AGL: variants seen among roughly 807,000 people sequenced by gnomAD.
The protein encoded by AGL is amylo-alpha-1,6-glucosidase and 4-alpha-glucanotransferase.
Under a neutral mutation model 199.3 loss-of-function variants are expected in AGL, and 128 were observed. The observed-to-expected ratio is 0.64, with a 90% CI of 0.56 to 0.74. AGL has a LOEUF of 0.74. Among genes scored for constraint, AGL ranks in the 30% least tolerant of loss-of-function variants. AGL has a pLI of 0.00. For synonymous variants in AGL, 584 were observed against 594.7 expected, an observed-to-expected ratio of 0.98 and a Z score of 0.26; for missense variants, 1,809 against 1,820.8, an observed-to-expected ratio of 0.99 and a Z score of 0.12.
At chr1:99,867,473 T>G (rs1262222026) in intron 5 of AGL, among the ~76,000 whole-genome samples, 1 of 152,136 alleles carries the variant, frequency 6.6e-6, no homozygotes. Flanking sequence ...GGTTATAGTT[T>G]CATGCTAAGA....
In AGL at chr1:99,881,340, G is replaced by A. The variant is rs1379869546; in HGVS notation, c.2050G>A (p.Ala684Thr). The A allele has an allele frequency of 6.2e-7, 1 of 1,614,126 alleles. No homozygotes were observed. Among genetic ancestry groups the A allele is most frequent in the Non-Finnish European group, 8.5e-7 (1 of 1,180,006 alleles). Residue 684 changes from alanine to threonine, a missense_variant, in exon 16 of 34, where the codon GCA (alanine) becomes ACA (threonine). Physicochemically the swap from Ala to Thr is moderately conservative, Grantham distance 58. Coordinates refer to ENST00000361915, the MANE Select transcript of AGL (RefSeq NM_000642.3). The part of the protein sequence containing the change: ...ERFYTKWNPE[A>T]LPSNTGEVNF... ...GTTTTACACTAAGTGGAATCCTGAAGCATTGCCTTCAAACACAGGTGAAGT... is the reference window on the plus strand; with the variant it reads ...GTTTTACACTAAGTGGAATCCTGAAACATTGCCTTCAAACACAGGTGAAGT...
chr1:99,915,365 AT>A, intron 30 of AGL, 23 bp from the exon 31 acceptor site: 1 of 1,565,922 alleles, frequency 6.4e-7, no homozygotes, highest in Non-Finnish European at 8.8e-7. Context: ...AAAAATTTGT[AT>A]ATTTGTTTTT....
At chr1:99,879,762 T>A (rs141252357) in intron 12 of AGL, among the ~76,000 whole-genome samples, 161 bp from the exon 13 acceptor site, 10 of 152,326 alleles carry the variant, frequency 6.6e-5, no homozygotes, top group African/African-American at 2.2e-4. Context: ...TTTCTTCTCT[T>A]GATAAATTCT....
At chr1:99,856,890 C>T (rs183669369) in intron 2 of AGL, among the ~76,000 whole-genome samples, 2,237 of 152,354 alleles carry the variant, frequency 0.015, 59 homozygotes, top group African/African-American at 0.051. Flanking sequence ...TTCCCCACCT[C>T]TCCCCCTTTT....
chr1:99,920,050 A>G (rs1206367404), intron 33 of AGL, among the ~76,000 whole-genome samples: 2 of 152,222 alleles, frequency 1.3e-5, no homozygotes, highest in African/African-American at 2.4e-5. Context: ...TTATATTTGT[A>G]TGGATACATT....
At chr1:99,890,307 C>T (rs1236968471) in intron 21 of AGL, among the ~76,000 whole-genome samples, 1 of 152,132 alleles carries the variant, frequency 6.6e-6, no homozygotes, top group African/African-American at 2.4e-5. Flanking sequence ...GTGAGACCAA[C>T]ATTTACCGAG....
intron 30 of AGL, among the ~76,000 whole-genome samples, 161 bp downstream of exon 30, chr1:99,913,899 G>A (rs985697955): frequency 3.9e-5 from 6 of 152,098 alleles, no homozygotes; most frequent in African/African-American, 9.7e-5. Flanking sequence ...AGTATTATGC[G>A]TATCACTTTT....
At chr1:99,850,527 C>T (rs994349735) in intron 1 of AGL, 112 bp downstream of exon 1, 1 of 169,378 alleles carries the variant, frequency 5.9e-6, no homozygotes, top group African/African-American at 2.4e-5. Context: ...CAACTGCTTC[C>T]CTCTGTTCTC....
At chr1:99,916,919 ATTTAT>A (rs923663227) in intron 33 of AGL, among the ~76,000 whole-genome samples, 188 bp downstream of exon 33, 18 of 152,016 alleles carry the variant, frequency 1.2e-4, no homozygotes, top group Admixed American at 1.0e-3. Context: ...TTGGGTTGTT[ATTTAT>A]TTTAAGTTGA....
At chr1:99,903,482 T>C (rs1311516168) in intron 27 of AGL, among the ~76,000 whole-genome samples, 1 of 152,238 alleles carries the variant, frequency 6.6e-6, no homozygotes. Flanking sequence ...TTTTTATGGC[T>C]GCATAGTATT....
At position 99,873,416 on chromosome 1, in the gene AGL, C is replaced by A. The variant is rs528651682; in HGVS notation, c.959-1271C>A. Among the ~76,000 whole-genome samples the A allele has an allele frequency of 3.1e-4, 47 of 150,316 alleles. 2 individuals carry two copies. In the South Asian group the frequency reaches 9.7e-3, roughly 31 times the overall value. ...GGCATAGCTTTTTCTCTTTTTCAAA[C>A]ATTTCTTGGCAGTGTTCTTTTTTTT... On this transcript the variant is annotated intron_variant, in intron 7 of 33. Transcript: ENST00000361915.
intron 5 of AGL, among the ~76,000 whole-genome samples, chr1:99,867,595 G>A (rs563943078): frequency 3.4e-5 from 5 of 146,956 alleles, no homozygotes; most frequent in East Asian, 4.0e-4. Context: ...TCCTTCTGTC[G>A]CCCAGGCTGG....
At chr1:99,904,338 T>C (rs564876864) in intron 27 of AGL, among the ~76,000 whole-genome samples, 43 of 152,316 alleles carry the variant, frequency 2.8e-4, no homozygotes, top group African/African-American at 1.0e-3. Context: ...TTTTAAACTT[T>C]GTAATTTTGA....
At chr1:99,864,991 GTT>G (rs576876701) in intron 5 of AGL, among the ~76,000 whole-genome samples, 12 of 152,114 alleles carry the variant, frequency 7.9e-5, no homozygotes, top group Non-Finnish European at 1.8e-4. Context: ...CAATTCATAA[GTT>G]TTAATTTTCA....
Position 99,910,848 on chromosome 1 carries a change from G to A in AGL, c.3836+1G>A, listed in dbSNP as rs780883601. The A allele has an allele frequency of 1.2e-6, 2 of 1,611,924 alleles. No homozygotes were observed. Among genetic ancestry groups the A allele is most frequent in the Non-Finnish European group, 8.5e-7 (1 of 1,178,692 alleles). ...ACAGAGGAATCCCAGCCACACCAAGGTAGTGTAAATGTTATAATGCTGTGT... is the reference window on the plus strand; with the variant it reads ...ACAGAGGAATCCCAGCCACACCAAGATAGTGTAAATGTTATAATGCTGTGT... On this transcript the variant is annotated splice_donor_variant, in intron 28 of 33. Transcript: ENST00000361915. LOFTEE classifies it high-confidence loss of function.
At chr1:99,913,288 A>G (rs1298633043) in intron 29 of AGL, among the ~76,000 whole-genome samples, 1 of 152,168 alleles carries the variant, frequency 6.6e-6, no homozygotes, top group Non-Finnish European at 1.5e-5. Context: ...ACATGTAATC[A>G]ATATAAAATT....
chr1:99,855,782 CAG>C (rs1352497988), intron 2 of AGL, among the ~76,000 whole-genome samples: 2 of 150,982 alleles, frequency 1.3e-5, no homozygotes, highest in Non-Finnish European at 2.9e-5. Flanking sequence ...GCCTGGGCAA[CAG>C]AGCGAGACTC....
At chr1:99,892,743 A>T in intron 24 of AGL, 136 bp downstream of exon 24, 1 of 820,598 alleles carries the variant, frequency 1.2e-6, no homozygotes, top group Non-Finnish European at 1.9e-6. Context: ...CATTTCATAG[A>T]TATTCACTCA....
intron 5 of AGL, among the ~76,000 whole-genome samples, chr1:99,868,382 C>T (rs980045349): frequency 6.6e-6 from 1 of 151,956 alleles, no homozygotes; most frequent in African/African-American, 2.4e-5. Flanking sequence ...GAGGCCGTGG[C>T]GGATGGGTCA....
Sources: allele counts gnomAD v4.1 joint callset (sites outside exome capture counted in the v4.1 genomes callset), GRCh38; gene constraint gnomAD v4.1.1; transcripts MANE v1.5; gene names NCBI Gene and HGNC (gene_info 2026-07-23, HGNC 2026-07-21).